The following TRHDE variants were observed in gnomAD, a reference collection of about 807,000 sequenced individuals.
The protein encoded by TRHDE is thyrotropin releasing hormone degrading enzyme.
TRHDE carries 72 observed loss-of-function variants against 125.7 expected under a neutral mutation model. The observed-to-expected ratio is 0.57, with a 90% CI of 0.47 to 0.70. The LOEUF is 0.70. Among genes scored for constraint, TRHDE ranks in the 30% least tolerant of loss-of-function variants. The pLI, the probability that TRHDE is intolerant of heterozygous loss-of-function variation, is 0.00. For synonymous variants in TRHDE, 509 were observed against 509.1 expected (o/e 1.00, Z 0.00); for missense variants, 1,110 against 1,327.1 (o/e 0.84, Z 2.54).
At chr12:72,571,954 A>G (rs1388835890) in intron 10 of TRHDE, among the ~76,000 whole-genome samples, 2 of 122,440 alleles carry the variant, frequency 1.6e-5, no homozygotes, top group African/African-American at 2.8e-5. Context: ...TTTGCTTCCT[A>G]CCGTTCCCCT....
intron 15 of TRHDE, among the ~76,000 whole-genome samples, chr12:72,646,836 AGCCAAT>A (rs1402801915): frequency 6.6e-6 from 1 of 152,100 alleles, no homozygotes; most frequent in Admixed American, 6.6e-5. Flanking sequence ...AAATATATAA[AGCCAAT>A]ATTGACAGAA....
At chr12:72,399,112 A>G (rs1002427426) in intron 3 of TRHDE, among the ~76,000 whole-genome samples, 21 of 152,204 alleles carry the variant, frequency 1.4e-4, no homozygotes, top group African/African-American at 5.1e-4. Flanking sequence ...CATACTCCTT[A>G]TGAGAATCTA....
chr12:72,110,400 A>G (rs1379563104), intron 2 of TRHDE, among the ~76,000 whole-genome samples: 1 of 152,044 alleles, frequency 6.6e-6, no homozygotes, highest in Non-Finnish European at 1.5e-5. Flanking sequence ...GAACCTGCTC[A>G]GGTCTGATGT....
intron 2 of TRHDE, chr12:72,255,704 G>C (rs1263089991): frequency 2.0e-5 from 3 of 152,194 alleles, no homozygotes; most frequent in African/African-American, 7.2e-5. Context: ...TAAGATCCAG[G>C]CTGTTTCAGG....
chr12:72,405,126 C>A (rs1006541255), intron 3 of TRHDE, among the ~76,000 whole-genome samples: 1 of 152,046 alleles, frequency 6.6e-6, no homozygotes, highest in Non-Finnish European at 1.5e-5. Flanking sequence ...TCCACTTAAT[C>A]CTTATCATTA....
At chr12:72,377,737 G>T (rs1474837479) in intron 2 of TRHDE, among the ~76,000 whole-genome samples, 1 of 152,048 alleles carries the variant, frequency 6.6e-6, no homozygotes, top group African/African-American at 2.4e-5. Flanking sequence ...TATTTATTTT[G>T]ATGCAAGGTG....
chr12:72,228,900 C>G (rs1401774378), intron 2 of TRHDE, among the ~76,000 whole-genome samples: 1 of 152,178 alleles, frequency 6.6e-6, no homozygotes, highest in African/African-American at 2.4e-5. Flanking sequence ...TCTCCAGTTC[C>G]CAACAAGTTC....
chr12:72,317,544 A>G (rs755898619), intron 2 of TRHDE, among the ~76,000 whole-genome samples: 25 of 152,176 alleles, frequency 1.6e-4, no homozygotes, highest in Non-Finnish European at 3.1e-4. Context: ...CTCATAGCAA[A>G]CAAGACCAAA....
At chr12:72,277,037 C>T (rs1288753121) in intron 1 of TRHDE, among the ~76,000 whole-genome samples, 1 of 152,078 alleles carries the variant, frequency 6.6e-6, no homozygotes, top group African/African-American at 2.4e-5. Flanking sequence ...GAAATATAGC[C>T]AAGATAAAGA....
intron 7 of TRHDE, among the ~76,000 whole-genome samples, chr12:72,550,616 G>A (rs1297727906): frequency 2.0e-5 from 3 of 151,548 alleles, no homozygotes; most frequent in African/African-American, 7.3e-5. Context: ...ATGACGTAGG[G>A]GTACCATAAT....
intron 3 of TRHDE, among the ~76,000 whole-genome samples, chr12:72,459,635 C>A (rs1456655742): frequency 6.6e-6 from 1 of 151,640 alleles, no homozygotes; most frequent in Admixed American, 6.6e-5. Context: ...TTTTTTTATT[C>A]TTTTAGAGAC....
At chr12:72,404,812 G>A (rs192951992) in intron 3 of TRHDE, among the ~76,000 whole-genome samples, 12 of 152,192 alleles carry the variant, frequency 7.9e-5, no homozygotes, top group Non-Finnish European at 1.0e-4. Flanking sequence ...CAGAGTATGC[G>A]GGTTAAAAGT....
chr12:72,278,606 A>G (rs1335578119), intron 1 of TRHDE, among the ~76,000 whole-genome samples: 1 of 152,140 alleles, frequency 6.6e-6, no homozygotes, highest in Non-Finnish European at 1.5e-5. Flanking sequence ...CCTTGCTAAC[A>G]GTTGTTATCT....
At chr12:72,321,336 T>G (rs560881830) in intron 2 of TRHDE, among the ~76,000 whole-genome samples, 6 of 152,244 alleles carry the variant, frequency 3.9e-5, no homozygotes, top group Middle Eastern at 3.4e-3. Context: ...CACAGATAAT[T>G]TTTCTCCAAA....
intron 2 of TRHDE, among the ~76,000 whole-genome samples, chr12:72,308,880 G>T (rs1868408986): frequency 6.6e-6 from 1 of 152,082 alleles, no homozygotes; most frequent in Non-Finnish European, 1.5e-5. Context: ...TCTCAATTTA[G>T]TGCCTAGTTG....
At chr12:72,627,464 T>G (rs181271420) in intron 15 of TRHDE, among the ~76,000 whole-genome samples, 49 of 151,990 alleles carry the variant, frequency 3.2e-4, no homozygotes, top group Non-Finnish European at 6.0e-4. Context: ...ATAAGAGTCT[T>G]TAAAGAAGAA....
intron 2 of TRHDE, among the ~76,000 whole-genome samples, chr12:72,156,295 C>T (rs1876505796): frequency 6.6e-6 from 1 of 152,220 alleles, no homozygotes; most frequent in South Asian, 2.1e-4. Flanking sequence ...ACATCTGTCA[C>T]CCCTTTCTTT....
chr12:72,644,071 T>C (rs796919299), intron 15 of TRHDE, among the ~76,000 whole-genome samples: 13 of 152,254 alleles, frequency 8.5e-5, no homozygotes, highest in African/African-American at 3.1e-4. Flanking sequence ...TCTTCTTCCT[T>C]TGACAAACAC....
chr12:72,357,831 C>G (rs1261616470), intron 2 of TRHDE, among the ~76,000 whole-genome samples: 2 of 151,062 alleles, frequency 1.3e-5, no homozygotes, highest in African/African-American at 4.9e-5. Context: ...ATCATGTATA[C>G]CTTAAATATA....
Sources: allele counts gnomAD v4.1 joint callset (sites outside exome capture counted in the v4.1 genomes callset), GRCh38; gene constraint gnomAD v4.1.1; transcripts MANE v1.5; gene names NCBI Gene and HGNC (gene_info 2026-07-23, HGNC 2026-07-21).